Variants in NTM observed in about 807,000 individuals in gnomAD.
The protein encoded by NTM is IgLON family member 2.
NTM carries 13 observed loss-of-function variants against 42.1 expected under a neutral mutation model. The ratio of observed to expected loss-of-function variants is 0.31; its 90% CI spans 0.20 to 0.49. The LOEUF is 0.49. Among genes scored for constraint, NTM ranks in the 20% least tolerant of loss-of-function variants. The pLI is 0.99. For synonymous variants in NTM, 187 were observed against 179.2 expected, an observed-to-expected ratio of 1.04 and a Z score of -0.35; for missense variants, 373 against 452.8, an observed-to-expected ratio of 0.82 and a Z score of 1.60.
At chr11:131,903,500 T>C (rs1304929487) in intron 1 of NTM, among the ~76,000 whole-genome samples, 2 of 152,260 alleles carry the variant, frequency 1.3e-5, no homozygotes, top group Non-Finnish European at 2.9e-5. Flanking sequence ...TCATCTTGAC[T>C]CTTCCGTCGC....
chr11:131,807,429 G>A (rs1486874159), intron 1 of NTM, among the ~76,000 whole-genome samples: 3 of 152,208 alleles, frequency 2.0e-5, no homozygotes, highest in Non-Finnish European at 4.4e-5. Context: ...AGAACAGAAA[G>A]GATACAGCAA....
At chr11:131,504,374 C>T (rs1412032967) in intron 1 of NTM, among the ~76,000 whole-genome samples, 2 of 152,166 alleles carry the variant, frequency 1.3e-5, no homozygotes, top group African/African-American at 4.8e-5. Flanking sequence ...TCGGCTGCCC[C>T]CACCTGCCAT....
chr11:131,784,620 T>C (rs1405391424), intron 1 of NTM, among the ~76,000 whole-genome samples: 1 of 152,120 alleles, frequency 6.6e-6, no homozygotes, highest in East Asian at 1.9e-4. Flanking sequence ...GTTGCTGAAA[T>C]ACACTGGAGA....
intron 1 of NTM, among the ~76,000 whole-genome samples, chr11:131,658,393 C>T (rs750128995): frequency 1.2e-4 from 18 of 152,184 alleles, no homozygotes; most frequent in Non-Finnish European, 2.4e-4. Context: ...TTCCCATAGA[C>T]CCCTTTTCCC....
chr11:131,952,309 C>T (rs1435207528), intron 2 of NTM, among the ~76,000 whole-genome samples: 1 of 152,162 alleles, frequency 6.6e-6, no homozygotes, highest in African/African-American at 2.4e-5. Flanking sequence ...CCCTTACTAC[C>T]AGGATCTATG....
Position 131,443,395 on chromosome 11 carries a change from C to T in NTM, c.82+72507C>T, listed in dbSNP as rs539632733. Among the ~76,000 whole-genome samples, 25 of 152,218 alleles carry T rather than the reference C, an allele frequency of 1.6e-4. No individual in the cohort carries two copies. The South Asian group carries it at 2.5e-3, about 15-fold the overall frequency. ...CATATTTGGAGAATAAGAGAAAAGTCGGTCATATTGCAGAAGAAAATATAT... is the reference window on the plus strand; with the variant it reads ...CATATTTGGAGAATAAGAGAAAAGTTGGTCATATTGCAGAAGAAAATATAT... On this transcript the variant is annotated intron_variant, in intron 1 of 8. Coordinates refer to ENST00000683400, the MANE Select transcript of NTM (RefSeq NM_001352005.2).
intron 1 of NTM, among the ~76,000 whole-genome samples, chr11:131,609,461 C>G (rs1340920768): frequency 1.3e-5 from 2 of 152,214 alleles, no homozygotes; most frequent in African/African-American, 4.8e-5. Context: ...TAAGCCTTCT[C>G]CATCTCTTAT....
intron 4 of NTM, among the ~76,000 whole-genome samples, chr11:132,235,956 A>C (rs1403481633): frequency 6.6e-6 from 1 of 151,812 alleles, no homozygotes; most frequent in African/African-American, 2.4e-5. Context: ...TTTGGTTTAA[A>C]AAGTCAGCCC....
At chr11:131,591,338 C>T (rs2059349741) in intron 1 of NTM, among the ~76,000 whole-genome samples, 1 of 152,214 alleles carries the variant, frequency 6.6e-6, no homozygotes. Flanking sequence ...ACAAGCTGTG[C>T]TGTGCTCAGA....
intron 1 of NTM, among the ~76,000 whole-genome samples, chr11:131,741,208 A>AGAGAGAGAGG: frequency 1.6e-5 from 2 of 122,486 alleles, no homozygotes; most frequent in African/African-American, 6.0e-5. Context: ...AGAGAGAGAG[A>AGAGAGAGAGG]TGTTTTTTGG....
intron 1 of NTM, among the ~76,000 whole-genome samples, chr11:131,772,080 A>C (rs2086195000): frequency 6.6e-6 from 1 of 152,004 alleles, no homozygotes; most frequent in Non-Finnish European, 1.5e-5. Flanking sequence ...TTGAATTTCT[A>C]CTATATTTTG....
chr11:131,744,571 AAAG>A (rs1201782572), intron 1 of NTM, among the ~76,000 whole-genome samples: 4 of 152,300 alleles, frequency 2.6e-5, no homozygotes, highest in African/African-American at 9.6e-5. Context: ...TAAAAGGAAG[AAAG>A]AAGAAGTCTA....
intron 2 of NTM, among the ~76,000 whole-genome samples, chr11:132,082,950 A>G (rs2059274050): frequency 6.6e-6 from 1 of 152,154 alleles, no homozygotes; most frequent in Admixed American, 6.5e-5. Context: ...ACCGGTGGCT[A>G]TAGTTATTTC....
intron 1 of NTM, among the ~76,000 whole-genome samples, chr11:131,382,489 C>T (rs1274050379): frequency 6.6e-6 from 1 of 152,012 alleles, no homozygotes; most frequent in African/African-American, 2.4e-5. Context: ...AAGTTATCAT[C>T]ACTTGTGAAA....
chr11:131,396,378 T>A (rs1384210766), intron 1 of NTM, among the ~76,000 whole-genome samples: 1 of 152,208 alleles, frequency 6.6e-6, no homozygotes, highest in African/African-American at 2.4e-5. Flanking sequence ...GCCACTTTCC[T>A]ACGCACAGCT....
intron 1 of NTM, among the ~76,000 whole-genome samples, chr11:131,566,828 A>G (rs778951071): frequency 6.6e-6 from 1 of 152,306 alleles, no homozygotes; most frequent in Non-Finnish European, 1.5e-5. Context: ...AGAGACTTTT[A>G]TAGCCTGCAG....
intron 2 of NTM, among the ~76,000 whole-genome samples, chr11:131,973,549 G>A (rs931681171): frequency 2.0e-5 from 3 of 152,246 alleles, no homozygotes; most frequent in African/African-American, 7.2e-5. Flanking sequence ...GCCAGGCGCT[G>A]TGGCTCATGC....
intron 2 of NTM, among the ~76,000 whole-genome samples, chr11:131,921,603 AT>A (rs1340610806): frequency 1.2e-4 from 18 of 152,144 alleles, no homozygotes; most frequent in African/African-American, 4.3e-4. Flanking sequence ...TATTAAAAAA[AT>A]AATTTTGTTA....
intron 2 of NTM, among the ~76,000 whole-genome samples, chr11:132,049,917 G>A (rs559842755): frequency 3.3e-5 from 5 of 152,232 alleles, no homozygotes; most frequent in Admixed American, 2.6e-4. Context: ...TGGGTGGGGG[G>A]CCCTTCCAAC....
Sources: allele counts gnomAD v4.1 joint callset (sites outside exome capture counted in the v4.1 genomes callset), GRCh38; gene constraint gnomAD v4.1.1; transcripts MANE v1.5; gene names NCBI Gene and HGNC (gene_info 2026-07-23, HGNC 2026-07-21).